Variants in CDH19 observed in about 807,000 individuals in gnomAD.
The protein encoded by CDH19 is cadherin 19.
In CDH19, 67 loss-of-function variants were observed where a neutral mutation model predicts 64.2. The ratio of observed to expected loss-of-function variants is 1.04; its 90% CI spans 0.86 to 1.28. CDH19 has a LOEUF of 1.28. Among genes scored for constraint, CDH19 ranks in the 50% most tolerant of loss-of-function variants. The pLI is 0.00. For missense variants in CDH19, 1,030 were observed against 929.0 expected (o/e 1.11, Z -1.41); for synonymous variants, 346 against 319.3 (o/e 1.08, Z -0.89).
intron 9 of CDH19, among the ~76,000 whole-genome samples, chr18:66,529,077 C>A (rs1986333706): frequency 6.6e-6 from 1 of 151,832 alleles, no homozygotes; most frequent in Non-Finnish European, 1.5e-5. Context: ...ACTTAAGTTT[C>A]ACATTTTACA....
chr18:66,554,984 T>A lies in CDH19; in HGVS notation c.491-460A>T, dbSNP rs553014744. Among the ~76,000 whole-genome samples, 6 of 151,898 alleles carry A rather than the reference T, an allele frequency of 4.0e-5. No individual in the cohort carries two copies. The South Asian group carries it at 1.2e-3, about 31-fold the overall frequency. ...GATTATTGAATTGAGCTTGAAAGAG[T>A]ATCCAGTTGAGGATAAGGATGGGCA... On this transcript the variant is annotated intron_variant, in intron 3 of 11. Transcript: ENST00000262150.
At position 66,568,643 on chromosome 18, in the gene CDH19, C is replaced by A. The variant is rs1351995752; in HGVS notation, c.263G>T (p.Ser88Ile). The A allele has an allele frequency of 9.3e-6, 15 of 1,611,462 alleles. No individual in the cohort carries two copies. The highest frequency in any genetic ancestry group is 1.3e-5 in the Non-Finnish European group (15 of 1,178,562). ...TGTTCTTTCATCAATGATAAAAGTA[C>A]TTCCAGCTCCAGCTCCCAAAAGCTT... ...QYKLLGAGAG[S>I]TFIIDERTGD... The change falls in exon 3 of 12, where the codon AGT becomes ATT. Residue 88 changes from serine to isoleucine, a missense_variant. Transcript: ENST00000262150.
intron 1 of CDH19, among the ~76,000 whole-genome samples, chr18:66,573,462 G>C (rs1043656416): frequency 1.1e-4 from 16 of 151,600 alleles, no homozygotes; most frequent in Admixed American, 7.9e-4. Flanking sequence ...CTTGTTAAAA[G>C]TTTACTTAAT....
intron 1 of CDH19, among the ~76,000 whole-genome samples, chr18:66,576,013 C>T (rs369040643): frequency 6.2e-4 from 94 of 151,154 alleles, no homozygotes; most frequent in East Asian, 1.2e-3. Flanking sequence ...ATGGTACATG[C>T]GCATATAATA....
intron 7 of CDH19, among the ~76,000 whole-genome samples, chr18:66,543,667 G>A (rs1986982822): frequency 6.6e-6 from 1 of 151,976 alleles, no homozygotes; most frequent in Non-Finnish European, 1.5e-5. Flanking sequence ...GGTGGATCAC[G>A]AGGTCAGGAG....
chr18:66,526,495 T>G (rs1315948090), intron 9 of CDH19, among the ~76,000 whole-genome samples: 1 of 152,130 alleles, frequency 6.6e-6, no homozygotes. Flanking sequence ...TTCATTTTTG[T>G]GGTTGTTATA....
rs978595621 is a variant in CDH19, at chr18:66,577,548, G to A, written c.-112-5232C>T. ...AAGATACTTTCATCCATACTTTACC[G>A]TGCATGAGGTCACAAAAAGTGAATA... On this transcript the variant is annotated intron_variant, in intron 1 of 11. Coordinates refer to ENST00000262150, the MANE Select transcript of CDH19 (RefSeq NM_021153.4). Among the ~76,000 whole-genome samples, 7 of 151,896 alleles carry A rather than the reference G, an allele frequency of 4.6e-5. 1 individual carries two copies. Among genetic ancestry groups the A allele is most frequent in the African/African-American group, 7.2e-5 (3 of 41,402 alleles).
intron 7 of CDH19, among the ~76,000 whole-genome samples, chr18:66,535,768 T>C (rs1986641490): frequency 2.0e-5 from 3 of 146,650 alleles, no homozygotes; most frequent in Admixed American, 1.4e-4. Flanking sequence ...AGAAAATATG[T>C]AATACATAAT....
At position 66,502,559 on chromosome 18, in the gene CDH19, T is replaced by C. The variant is rs1984991447; in HGVS notation, c.*2253A>G. The stretch of plus-strand genomic sequence containing the variant: ...ATCTGTTGTTTATCATACTTTTTAG[T>C]TTTCTACTAAGATTACCTAGCATTC... On this transcript the variant is annotated 3_prime_UTR_variant, in exon 12 of 12. Coordinates refer to ENST00000262150, the MANE Select transcript of CDH19 (RefSeq NM_021153.4). 6.6e-6 allele frequency: 1 copy of C among 151,954 alleles called. No homozygotes were observed. Among genetic ancestry groups the C allele is most frequent in the African/African-American group, 2.4e-5 (1 of 41,440 alleles). 9.4% of individuals were successfully genotyped at this position (151,954 alleles called of 1,614,324 possible). A position where few individuals can be genotyped will look rare whatever the true frequency, so the allele number is the denominator to read the frequency against.
At chr18:66,588,227 G>A (rs1163560981) in intron 1 of CDH19, among the ~76,000 whole-genome samples, 3 of 152,068 alleles carry the variant, frequency 2.0e-5, no homozygotes, top group Non-Finnish European at 4.4e-5. Flanking sequence ...ATCCTGCAAT[G>A]GGATGGCACC....
At chr18:66,598,843 T>C (rs1988970318) in intron 1 of CDH19, among the ~76,000 whole-genome samples, 1 of 151,978 alleles carries the variant, frequency 6.6e-6, no homozygotes, top group Non-Finnish European at 1.5e-5. Flanking sequence ...AGTTAGAAAG[T>C]AAAAATTTAA....
At position 66,553,134 on chromosome 18, in the gene CDH19, T is replaced by C. The variant is rs1200862394; in HGVS notation, c.610+1271A>G. Among the ~76,000 whole-genome samples, 2 of 134,734 alleles carry C rather than the reference T, an allele frequency of 1.5e-5. 1 individual carries two copies. The highest frequency in any genetic ancestry group is 6.8e-5 in the African/African-American group (2 of 29,224). The allele number at this position is 134,734 out of a possible 152,430, so 88.4% of individuals were successfully genotyped here. A position where few individuals can be genotyped will look rare whatever the true frequency, so the allele number is the denominator to read the frequency against. ...TCATAAGTACCTACAGTGGAATGTA[T>C]GTGTGTATTACTATTCATGTTTAAT... On this transcript the variant is annotated intron_variant, in intron 4 of 11. Coordinates refer to ENST00000262150, the MANE Select transcript of CDH19 (RefSeq NM_021153.4).
chr18:66,570,546 CAAAG>C (rs1457488069), intron 2 of CDH19, among the ~76,000 whole-genome samples: 1 of 151,646 alleles, frequency 6.6e-6, no homozygotes, highest in African/African-American at 2.4e-5. Context: ...ACAAATGGAT[CAAAG>C]AGAGTTATCT....
chr18:66,539,418 CTG>C (rs1352517642), intron 7 of CDH19, among the ~76,000 whole-genome samples: 2 of 152,016 alleles, frequency 1.3e-5, no homozygotes, highest in African/African-American at 4.8e-5. Context: ...TGTAGATACT[CTG>C]TATCTGTTTA....
intron 8 of CDH19, among the ~76,000 whole-genome samples, chr18:66,533,033 A>G (rs1986516793): frequency 1.3e-5 from 2 of 152,070 alleles, no homozygotes; most frequent in South Asian, 2.1e-4. Context: ...GATGCAGATC[A>G]CATTGTGTTT....
At chr18:66,541,478 A>G (rs1007716381) in intron 7 of CDH19, among the ~76,000 whole-genome samples, 2 of 152,160 alleles carry the variant, frequency 1.3e-5, no homozygotes, top group African/African-American at 2.4e-5. Flanking sequence ...CTTACAAAGA[A>G]AAAAGAGATA....
chr18:66,509,240 G>C lies in CDH19; in HGVS notation c.1583C>G (p.Thr528Arg). ...SFTIIDNQDNTAVILTNRTGF... is the reference protein window; with the variant it reads ...SFTIIDNQDNRAVILTNRTGF... ...AGTTCTATTAGTCAAAATGACAGCT[G>C]TGTTATCTAAAACAAAAATCCATGT... Residue 528 changes from threonine (T) to arginine (R), a missense_variant, in exon 11 of 12, where the codon ACA (threonine) becomes AGA (arginine). Transcript: ENST00000262150. 6 of 1,611,340 alleles carry C rather than the reference G, an allele frequency of 3.7e-6. No individual in the cohort carries two copies. Among genetic ancestry groups the C allele is most frequent in the Non-Finnish European group, 5.1e-6 (6 of 1,178,432 alleles).
chr18:66,601,839 G>A (rs2144651289), intron 1 of CDH19, among the ~76,000 whole-genome samples: 1 of 151,770 alleles, frequency 6.6e-6, no homozygotes, highest in Non-Finnish European at 1.5e-5. Context: ...ACGCTGTAAG[G>A]GTACAGTTTA....
Position 66,505,129 on chromosome 18 carries a change from G to T in CDH19, c.2002C>A (p.Arg668Ser). 2 of 1,613,476 alleles carry T rather than the reference G, an allele frequency of 1.2e-6. No homozygotes were observed. Among genetic ancestry groups the T allele is most frequent in the Non-Finnish European group, 8.5e-7 (1 of 1,179,704 alleles). ...ELRSSTIMRE[R>S]KTRKTTSAEI... is the part of the protein sequence containing the mutation. Reference sequence around the variant, plus strand: ...GCGCTTGTGGTTTTCCGAGTCTTGCGTTCCCGCATTATGGTACTACTCCTC... The same window carrying T: ...GCGCTTGTGGTTTTCCGAGTCTTGCTTTCCCGCATTATGGTACTACTCCTC... The change falls in exon 12 of 12, where the codon CGC becomes AGC. Residue 668 changes from arginine (R) to serine (S), a missense_variant. Arg to Ser is a moderately radical substitution (Grantham distance 110). Transcript: ENST00000262150.
Sources: allele counts gnomAD v4.1 joint callset (sites outside exome capture counted in the v4.1 genomes callset), GRCh38; gene constraint gnomAD v4.1.1; transcripts MANE v1.5; gene names NCBI Gene and HGNC (gene_info 2026-07-23, HGNC 2026-07-21).